Variants in ASTN2 observed in about 807,000 individuals in gnomAD.
ASTN2 encodes astrotactin 2.
Under a neutral mutation model 139.8 loss-of-function variants are expected in ASTN2, and 54 were observed. The observed-to-expected ratio is 0.39, with a 90% confidence interval of 0.31 to 0.48. ASTN2 has a LOEUF of 0.48. ASTN2 is among the 20% of genes least tolerant of loss of function. ASTN2 has a pLI of 0.95. For synonymous variants in ASTN2, 756 were observed against 719.5 expected (o/e 1.05, Z -0.81); for missense variants, 1,565 against 1,725.1 (o/e 0.91, Z 1.64).
At chr9:116,907,214 G>T in intron 10 of ASTN2, among the ~76,000 whole-genome samples, 1 of 152,192 alleles carries the variant, frequency 6.6e-6, no homozygotes, top group East Asian at 1.9e-4. Context: ...AAGAAGAGTA[G>T]GTTGTAGAGT....
chr9:117,034,660 C>T (rs934790735), intron 6 of ASTN2, among the ~76,000 whole-genome samples: 1 of 152,070 alleles, frequency 6.6e-6, no homozygotes, highest in Non-Finnish European at 1.5e-5. Flanking sequence ...GTGGGCTCTA[C>T]CCTCAGAGAA....
At chr9:117,171,485 G>A (rs1030345995) in intron 3 of ASTN2, among the ~76,000 whole-genome samples, 5 of 152,132 alleles carry the variant, frequency 3.3e-5, no homozygotes, top group Admixed American at 2.6e-4. Context: ...TACCTGGTAT[G>A]GAGTAATCTA....
chr9:117,054,928 T>C (rs1456118082), intron 5 of ASTN2, among the ~76,000 whole-genome samples: 4 of 152,194 alleles, frequency 2.6e-5, no homozygotes, highest in Non-Finnish European at 5.9e-5. Context: ...AGTTAGATTG[T>C]CATAAGGAGC....
At chr9:116,491,184 T>C (rs931377788) in intron 19 of ASTN2, among the ~76,000 whole-genome samples, 1 of 152,222 alleles carries the variant, frequency 6.6e-6, no homozygotes, top group African/African-American at 2.4e-5. Flanking sequence ...CACAACTGTA[T>C]GAATATAATC....
chr9:117,129,278 G>A (rs1456838486), intron 4 of ASTN2, among the ~76,000 whole-genome samples: 3 of 151,876 alleles, frequency 2.0e-5, no homozygotes, highest in South Asian at 4.2e-4. Context: ...TCCTCCCTCC[G>A]TTCCTCAAAA....
intron 10 of ASTN2, among the ~76,000 whole-genome samples, chr9:116,968,595 A>G (rs7046571): frequency 1.3e-5 from 2 of 151,984 alleles, no homozygotes; most frequent in Non-Finnish European, 2.9e-5. Context: ...ACTGCAGCCA[A>G]ACTGACATGG....
intron 1 of ASTN2, among the ~76,000 whole-genome samples, chr9:117,323,736 G>C (rs1435472598): frequency 7.2e-5 from 11 of 152,036 alleles, no homozygotes; most frequent in Admixed American, 5.9e-4. Flanking sequence ...TTTCCCACAA[G>C]GTTTCCTGTT....
At chr9:117,065,137 T>C (rs1019035351) in intron 5 of ASTN2, among the ~76,000 whole-genome samples, 4 of 152,172 alleles carry the variant, frequency 2.6e-5, no homozygotes, top group South Asian at 2.1e-4. Context: ...ACTTCGAGGA[T>C]TGCTGACAGC....
intron 16 of ASTN2, among the ~76,000 whole-genome samples, chr9:116,701,880 G>GTTTTT (rs11395772): frequency 4.5e-5 from 6 of 133,346 alleles, no homozygotes; most frequent in African/African-American, 1.4e-4. Context: ...AGTTTTTTGG[G>GTTTTT]TTTTTTTTTT....
In ASTN2 at chr9:116,646,948, T is replaced by G. The variant is rs1425997703; in HGVS notation, c.3072+4580A>C. 4.6e-5 allele frequency among the ~76,000 whole-genome samples: 7 copies of G among 152,196 alleles called. No homozygotes were observed. In the South Asian group the frequency reaches 1.2e-3, roughly 27 times the overall value. ...GTCTCAGCTCCAGCCACACTGGTTT[T>G]CATTCTCTTCCTGAAATGGGTCACA... On this transcript the variant is annotated intron_variant, in intron 17 of 22. Transcript: ENST00000313400.
intron 19 of ASTN2, among the ~76,000 whole-genome samples, chr9:116,511,728 T>G (rs938223690): frequency 1.3e-5 from 2 of 152,184 alleles, no homozygotes; most frequent in African/African-American, 2.4e-5. Context: ...TGGTTTAGTC[T>G]TGGGAGGGTG....
At chr9:116,967,796 G>T (rs1405773942) in intron 10 of ASTN2, among the ~76,000 whole-genome samples, 2 of 152,072 alleles carry the variant, frequency 1.3e-5, no homozygotes, top group Non-Finnish European at 2.9e-5. Flanking sequence ...CGAGTGACTG[G>T]CCCCGACTCC....
chr9:116,580,831 T>G (rs957677406), intron 19 of ASTN2, among the ~76,000 whole-genome samples: 2 of 152,148 alleles, frequency 1.3e-5, no homozygotes, highest in Non-Finnish European at 2.9e-5. Context: ...ACACTTCCTT[T>G]AATTAGTCTG....
chr9:117,015,274 C>T (rs1330690180), intron 6 of ASTN2, among the ~76,000 whole-genome samples: 1 of 152,134 alleles, frequency 6.6e-6, no homozygotes, highest in Non-Finnish European at 1.5e-5. Context: ...CTGCCTTGGC[C>T]TCTCAAAGTG....
intron 7 of ASTN2, among the ~76,000 whole-genome samples, chr9:116,981,860 T>G (rs1440067891): frequency 2.6e-5 from 4 of 152,244 alleles, no homozygotes; most frequent in Non-Finnish European, 5.9e-5. Flanking sequence ...CTCTTCACTA[T>G]ATTGGTTCTC....
chr9:116,861,037 A>G (rs1832863158), intron 11 of ASTN2, among the ~76,000 whole-genome samples: 1 of 152,116 alleles, frequency 6.6e-6, no homozygotes, highest in Non-Finnish European at 1.5e-5. Flanking sequence ...CATCCATTGA[A>G]CCTTGAAGTA....
At chr9:117,301,563 G>GT (rs1834875878) in intron 1 of ASTN2, among the ~76,000 whole-genome samples, 1 of 152,136 alleles carries the variant, frequency 6.6e-6, no homozygotes, top group South Asian at 2.1e-4. Context: ...CAAATTCAGT[G>GT]TTTTCACCAC....
chr9:116,695,226 G>A (rs1860784145), intron 16 of ASTN2, among the ~76,000 whole-genome samples: 1 of 152,080 alleles, frequency 6.6e-6, no homozygotes, highest in African/African-American at 2.4e-5. Context: ...CTGAGCATTC[G>A]TTTCCTCATC....
chr9:117,364,010 G>T (rs1829764853), intron 1 of ASTN2, among the ~76,000 whole-genome samples: 1 of 152,080 alleles, frequency 6.6e-6, no homozygotes, highest in Admixed American at 6.6e-5. Context: ...TGATAGTTTG[G>T]AATGGTTCCT....
Sources: gnomAD v4.1 joint callset for allele counts (sites outside exome capture counted in the v4.1 genomes callset) on GRCh38, gnomAD v4.1.1 for gene constraint, MANE v1.5 for transcripts, NCBI Gene and HGNC (gene_info 2026-07-23, HGNC 2026-07-21) for gene names.